The following CPVL variants were observed in gnomAD, a reference collection of about 807,000 sequenced individuals.
The protein encoded by CPVL is carboxypeptidase vitellogenic like.
Under a neutral mutation model 63.7 loss-of-function variants are expected in CPVL, and 51 were observed. The observed-to-expected ratio is 0.80, with a 90% CI of 0.64 to 1.01. The LOEUF (loss-of-function observed/expected upper bound fraction) is 1.01, where lower values mean the gene tolerates loss of function less well. CPVL is among the 50% of genes least tolerant of loss of function. The pLI, the probability that CPVL is intolerant of heterozygous loss-of-function variation, is 0.00. For missense variants in CPVL, 530 were observed against 573.1 expected, an observed-to-expected ratio of 0.92 and a Z score of 0.77; for synonymous variants, 195 against 206.0, an observed-to-expected ratio of 0.95 and a Z score of 0.46.
chr7:29,188,653 A>G (rs1391356768), intron 1 of CPVL, among the ~76,000 whole-genome samples: 3 of 152,138 alleles, frequency 2.0e-5, no homozygotes, highest in Non-Finnish European at 4.4e-5. Flanking sequence ...CATTCAGAGT[A>G]CAGGATCTGC....
At chr7:29,061,752 A>G (rs1271376879) in intron 11 of CPVL, among the ~76,000 whole-genome samples, 1 of 152,082 alleles carries the variant, frequency 6.6e-6, no homozygotes, top group African/African-American at 2.4e-5. Flanking sequence ...TTTGAGACCA[A>G]TCTGACCAAC....
At chr7:29,039,893 A>G (rs537277329) in intron 11 of CPVL, among the ~76,000 whole-genome samples, 44 of 152,312 alleles carry the variant, frequency 2.9e-4, no homozygotes, top group Non-Finnish European at 4.9e-4. Context: ...ACAATATATC[A>G]TAATACTTTG....
At chr7:29,160,384 A>T (rs758790066) in intron 5 of CPVL, among the ~76,000 whole-genome samples, 1 of 152,164 alleles carries the variant, frequency 6.6e-6, no homozygotes, top group Non-Finnish European at 1.5e-5. Context: ...TGGCTTATCC[A>T]TGTCATTCCC....
chr7:29,007,774 C>G (rs564587582), intron 12 of CPVL, among the ~76,000 whole-genome samples: 6 of 151,460 alleles, frequency 4.0e-5, no homozygotes, highest in South Asian at 2.1e-4. Flanking sequence ...CACACACACA[C>G]AGTCAGAGGC....
chr7:29,178,617 G>C (rs1400496005), intron 5 of CPVL, among the ~76,000 whole-genome samples: 1 of 152,086 alleles, frequency 6.6e-6, no homozygotes, highest in African/African-American at 2.4e-5. Flanking sequence ...AAAAAAAGCA[G>C]TTCATTGTCT....
intron 1 of CPVL, among the ~76,000 whole-genome samples, chr7:29,136,775 A>T (rs1189614696): frequency 6.6e-6 from 1 of 152,144 alleles, no homozygotes; most frequent in Non-Finnish European, 1.5e-5. Flanking sequence ...TAAACTTATT[A>T]TCTCCTTCCC....
At chr7:29,141,515 A>G (rs1262519463) in intron 1 of CPVL, among the ~76,000 whole-genome samples, 2 of 151,242 alleles carry the variant, frequency 1.3e-5, no homozygotes, top group Non-Finnish European at 2.9e-5. Flanking sequence ...GCCCCACTGC[A>G]CTCCAGCCTG....
chr7:29,043,066 C>T (rs1789275560), intron 11 of CPVL, among the ~76,000 whole-genome samples: 1 of 152,136 alleles, frequency 6.6e-6, no homozygotes, highest in South Asian at 2.1e-4. Flanking sequence ...CAGTAGTAGG[C>T]ACACATCCAA....
At chr7:29,022,348 C>T (rs1787082199) in intron 12 of CPVL, among the ~76,000 whole-genome samples, 1 of 152,206 alleles carries the variant, frequency 6.6e-6, no homozygotes, top group Non-Finnish European at 1.5e-5. Context: ...CGACCTACCA[C>T]CCCCACTGCC....
chr7:29,152,811 C>T (rs1312187345), intron 5 of CPVL, among the ~76,000 whole-genome samples: 1 of 152,172 alleles, frequency 6.6e-6, no homozygotes, highest in East Asian at 1.9e-4. Flanking sequence ...AACAGGCAAG[C>T]AAAACAAAAT....
chr7:29,087,027 G>T (rs1265322576), intron 6 of CPVL, among the ~76,000 whole-genome samples: 1 of 152,004 alleles, frequency 6.6e-6, no homozygotes, highest in Non-Finnish European at 1.5e-5. Flanking sequence ...CAGAAAAACT[G>T]TAAGATGACT....
chr7:29,061,859 T>A (rs1031151746), intron 11 of CPVL, among the ~76,000 whole-genome samples: 1 of 151,676 alleles, frequency 6.6e-6, no homozygotes. Flanking sequence ...GGCAGGAGAA[T>A]TGCTTGAACC....
chr7:29,112,492 A>G (rs1410787934), intron 3 of CPVL, among the ~76,000 whole-genome samples: 1 of 152,158 alleles, frequency 6.6e-6, no homozygotes, highest in Admixed American at 6.6e-5. Flanking sequence ...TAGAAGTTGG[A>G]CACTTCCCAC....
chr7:29,117,073 C>A (rs1331555371), intron 2 of CPVL, among the ~76,000 whole-genome samples: 1 of 152,090 alleles, frequency 6.6e-6, no homozygotes, highest in Non-Finnish European at 1.5e-5. Context: ...ATTTGAATAC[C>A]CAGATGTACC....
chr7:29,189,242 G>A (rs1425885685), intron 1 of CPVL, among the ~76,000 whole-genome samples: 2 of 152,036 alleles, frequency 1.3e-5, no homozygotes, highest in Admixed American at 6.5e-5. Flanking sequence ...GTGAGCCACC[G>A]CGCCCAGCCA....
upstream of CPVL, among the ~76,000 whole-genome samples, chr7:29,150,244 T>G (rs1174592771): frequency 6.6e-6 from 1 of 152,212 alleles, no homozygotes; most frequent in Non-Finnish European, 1.5e-5. Flanking sequence ...AGTTACTTAA[T>G]CTCAGTTTTC....
chr7:29,041,280 T>C (rs1200553151), intron 11 of CPVL, among the ~76,000 whole-genome samples: 1 of 152,064 alleles, frequency 6.6e-6, no homozygotes, highest in Non-Finnish European at 1.5e-5. Context: ...TTTCACCATG[T>C]TTCCCAGGCT....
intron 7 of CPVL, among the ~76,000 whole-genome samples, chr7:29,076,766 C>G (rs956417692): frequency 1.3e-5 from 2 of 152,174 alleles, no homozygotes; most frequent in African/African-American, 2.4e-5. Context: ...CTTAAAGAGG[C>G]TATAAACTTC....
intron 1 of CPVL, among the ~76,000 whole-genome samples, chr7:29,133,363 T>A (rs1790890310): frequency 6.6e-6 from 1 of 152,234 alleles, no homozygotes; most frequent in Non-Finnish European, 1.5e-5. Flanking sequence ...CTTTGGCAAA[T>A]TTATCGATGC....
Sources: allele counts gnomAD v4.1 joint callset (sites outside exome capture counted in the v4.1 genomes callset), GRCh38; gene constraint gnomAD v4.1.1; transcripts MANE v1.5; gene names NCBI Gene and HGNC (gene_info 2026-07-23, HGNC 2026-07-21).